Variants in PTDSS1 observed in about 807,000 individuals in gnomAD.
The protein encoded by PTDSS1 is PSS-1.
In PTDSS1, 45 loss-of-function variants were observed where a neutral mutation model predicts 70.5. The ratio of observed to expected loss-of-function variants is 0.64; its 90% confidence interval spans 0.50 to 0.82. PTDSS1 has a LOEUF of 0.82. Among genes scored for constraint, PTDSS1 ranks in the 40% least tolerant of loss-of-function variants. The pLI is 0.00. For synonymous variants in PTDSS1, 188 were observed against 203.8 expected, an observed-to-expected ratio of 0.92 and a Z score of 0.66; for missense variants, 417 against 586.1, an observed-to-expected ratio of 0.71 and a Z score of 2.98.
chr8:96,330,089 G>T (rs573949962), intron 10 of PTDSS1, 124 bp from the exon 11 acceptor site: 34 of 898,436 alleles, frequency 3.8e-5, no homozygotes, highest in African/African-American at 6.6e-5. Context: ...ACGTCCAGCC[G>T]TTTTGTAACC....
chr8:96,271,943 C>A (rs1026660587), intron 1 of PTDSS1, among the ~76,000 whole-genome samples: 1 of 152,086 alleles, frequency 6.6e-6, no homozygotes, highest in Non-Finnish European at 1.5e-5. Context: ...CTTCTGAGAG[C>A]CTTAGATTTT....
At chr8:96,289,044 C>T (rs988735462) in intron 4 of PTDSS1, among the ~76,000 whole-genome samples, 2 of 152,046 alleles carry the variant, frequency 1.3e-5, no homozygotes, top group Non-Finnish European at 2.9e-5. Context: ...AAGCAATTCT[C>T]CTGCCTCAGC....
chr8:96,319,414 T>G (rs1811343145), intron 9 of PTDSS1, among the ~76,000 whole-genome samples: 2 of 152,112 alleles, frequency 1.3e-5, no homozygotes, highest in African/African-American at 4.8e-5. Flanking sequence ...GGCCTGATTT[T>G]TATAGTCATA....
At chr8:96,331,219 C>T in intron 12 of PTDSS1, 124 bp downstream of exon 12, 1 of 871,446 alleles carries the variant, frequency 1.1e-6, no homozygotes, top group Non-Finnish European at 1.8e-6. Context: ...TTGAATGTCT[C>T]CTGTCACTTA....
intron 1 of PTDSS1, among the ~76,000 whole-genome samples, chr8:96,270,708 G>T (rs931561716): frequency 6.6e-6 from 1 of 152,102 alleles, no homozygotes; most frequent in Admixed American, 6.5e-5. Context: ...TTTATCCAAA[G>T]ACCTCACTGT....
At chr8:96,288,520 C>T (rs1213189901) in intron 4 of PTDSS1, among the ~76,000 whole-genome samples, 2 of 151,602 alleles carry the variant, frequency 1.3e-5, no homozygotes, top group Non-Finnish European at 2.9e-5. Flanking sequence ...AGACGGTGGT[C>T]TCACCACGTT....
At chr8:96,300,401 T>C (rs1192758168) in intron 6 of PTDSS1, among the ~76,000 whole-genome samples, 1 of 152,170 alleles carries the variant, frequency 6.6e-6, no homozygotes, top group African/African-American at 2.4e-5. Context: ...ATTTGGCCTG[T>C]GTACCCATAG....
At chr8:96,298,309 T>C (rs567378407) in intron 5 of PTDSS1, among the ~76,000 whole-genome samples, 1 of 152,374 alleles carries the variant, frequency 6.6e-6, no homozygotes, top group African/African-American at 2.4e-5. Flanking sequence ...AATGCTTTCA[T>C]GAATACTGTT....
At chr8:96,309,443 C>T (rs565405156) in intron 8 of PTDSS1, 114 bp from the exon 9 acceptor site, 25 of 831,124 alleles carry the variant, frequency 3.0e-5, no homozygotes, top group Non-Finnish European at 5.0e-5. Context: ...CTAGACCAGG[C>T]AGCCTGACAT....
intron 4 of PTDSS1, chr8:96,287,497 T>G (rs1245804753): frequency 4.5e-6 from 1 of 222,634 alleles, no homozygotes; most frequent in African/African-American, 2.3e-5. Flanking sequence ...AATACTTACT[T>G]GGGGGTTATT....
At chr8:96,284,084 A>C in intron 2 of PTDSS1, 25 bp from the exon 3 acceptor site, 1 of 1,588,972 alleles carries the variant, frequency 6.3e-7, no homozygotes. Flanking sequence ...GTTCCTTCTA[A>C]CTTTATAATG....
At chr8:96,269,361 C>T (rs186152529) in intron 1 of PTDSS1, among the ~76,000 whole-genome samples, 1 of 152,332 alleles carries the variant, frequency 6.6e-6, no homozygotes, top group East Asian at 1.9e-4. Context: ...AAAACACCAG[C>T]TGTGAAAGTT....
rs913642664 is a variant in PTDSS1 at position 96,319,451 on chromosome 8, C to CT, written c.1074-788dup. ...ATGAAGATACAGAACACAAGAGTGA[C>CT]TTTTTTTAATGTTTTAAAGGGGAAA... On this transcript the variant is annotated intron_variant, in intron 9 of 12. Transcript: ENST00000517309. 6.0e-5 allele frequency among the ~76,000 whole-genome samples: 9 copies of CT among 151,082 alleles called. No homozygotes were observed. In the East Asian group the frequency reaches 7.8e-4, roughly 13 times the overall value.
chr8:96,264,533 G>A (rs1035942609), intron 1 of PTDSS1, among the ~76,000 whole-genome samples: 1 of 152,174 alleles, frequency 6.6e-6, no homozygotes, highest in South Asian at 2.1e-4. Flanking sequence ...CATCTTAGGT[G>A]TGGGCTTGAA....
At chr8:96,329,057 T>A (rs539047137) in intron 10 of PTDSS1, among the ~76,000 whole-genome samples, 2 of 152,308 alleles carry the variant, frequency 1.3e-5, no homozygotes, top group Non-Finnish European at 2.9e-5. Context: ...AAATTAATGG[T>A]CTCTGAGGTG....
chr8:96,336,865 AG>A lies in PTDSS1; in HGVS notation c.*3301del, dbSNP rs1170062784. 1 of 151,636 alleles carries A rather than the reference AG, an allele frequency of 6.6e-6. No individual in the cohort carries two copies. Among genetic ancestry groups the A allele is most frequent in the Non-Finnish European group, 1.5e-5 (1 of 68,026 alleles). 9.4% of individuals were successfully genotyped at this position (151,636 alleles called of 1,614,324 possible). On this transcript the variant is annotated 3_prime_UTR_variant, in exon 13 of 13. Coordinates refer to ENST00000517309, the MANE Select transcript of PTDSS1 (RefSeq NM_014754.3). ...ACTTAAATTAGCCGGGCATGGTGGC[AG>A]GCACCTGTAGTCCCAGCTACTCGGG...
intron 2 of PTDSS1, among the ~76,000 whole-genome samples, chr8:96,277,863 A>G (rs1810671106): frequency 6.6e-6 from 1 of 152,248 alleles, no homozygotes; most frequent in Non-Finnish European, 1.5e-5. Context: ...AATAGTCAGG[A>G]TGCTTTTGAC....
Position 96,306,432 on chromosome 8 carries a change from C to T in PTDSS1, c.895-12C>T, listed in dbSNP as rs13439240. 115,593 of 1,598,936 alleles carry T rather than the reference C, an allele frequency of 0.072. 4,568 individuals carry two copies. Among genetic ancestry groups the T allele is most frequent in the Middle Eastern group, 0.1 (602 of 6,030 alleles). ...GAGGTACCAGGTTGACTAATTTCTC[C>T]GTCTTTTTCAGCTGACTGAGTTGAA... On this transcript the variant is annotated splice_polypyrimidine_tract_variant and intron_variant, in intron 7 of 12. Coordinates refer to ENST00000517309, the MANE Select transcript of PTDSS1 (RefSeq NM_014754.3).
In PTDSS1 at chr8:96,263,854, T is replaced by C. The variant is rs1416565284; in HGVS notation, c.179+1635T>C. ...CCTCCCTTAGGAATAACTGCAGTTT[T>C]TCAAATCCTCATAAAACTAATATCC... On this transcript the variant is annotated intron_variant, in intron 1 of 12. Transcript: ENST00000517309. Among the ~76,000 whole-genome samples, 5 of 152,234 alleles carry C rather than the reference T, an allele frequency of 3.3e-5. No homozygotes were observed. In the East Asian group the frequency reaches 9.6e-4, roughly 29 times the overall value.
Sources: gnomAD v4.1 joint callset for allele counts (sites outside exome capture counted in the v4.1 genomes callset) on GRCh38, gnomAD v4.1.1 for gene constraint, MANE v1.5 for transcripts, NCBI Gene and HGNC (gene_info 2026-07-23, HGNC 2026-07-21) for gene names.